ARMC8: variants seen among roughly 807,000 people sequenced by gnomAD.
The protein encoded by ARMC8 is armadillo repeat-containing protein 8.
A neutral mutation model predicts 99.3 loss-of-function variants in ARMC8; 20 were observed. The ratio of observed to expected loss-of-function variants is 0.20; its 90% CI spans 0.14 to 0.29. The LOEUF (loss-of-function observed/expected upper bound fraction) is 0.29. ARMC8 is among the 10% of genes least tolerant of loss of function. ARMC8 has a pLI of 1.00. For missense variants in ARMC8, 569 were observed against 809.5 expected (o/e 0.70, Z 3.60); for synonymous variants, 263 against 278.3 (o/e 0.95, Z 0.55).
chr3:138,239,632 A>G lies in ARMC8; in HGVS notation c.837+104A>G, dbSNP rs1345328380. ...TTTTACACATTTATCATTATGATAT[A>G]TGTGCATGGCGTAGAATAATATTGA... On this transcript the variant is annotated intron_variant, in intron 10 of 21. Coordinates refer to ENST00000469044, the MANE Select transcript of ARMC8 (RefSeq NM_001363941.2). The G allele has an allele frequency of 4.3e-6, 3 of 690,918 alleles. No individual in the cohort carries two copies. The African/African-American group carries it at 5.6e-5, about 13-fold the overall frequency. The allele number at this position is 690,918 out of a possible 1,614,324, so 42.8% of individuals were successfully genotyped here.
chr3:138,239,401 G>T, intron 9 of ARMC8, 67 bp from the exon 10 acceptor site: 1 of 1,192,568 alleles, frequency 8.4e-7, no homozygotes, highest in South Asian at 1.4e-5. Flanking sequence ...AATCTTAAAG[G>T]CAAATAATTT....
At chr3:138,287,185 CAGG>C (rs2050512767) in intron 19 of ARMC8, among the ~76,000 whole-genome samples, 1 of 152,204 alleles carries the variant, frequency 6.6e-6, no homozygotes, top group Non-Finnish European at 1.5e-5. Flanking sequence ...TTAAATCTTT[CAGG>C]GGCTTCCTCT....
At chr3:138,283,772 G>C (rs1387619177) in intron 18 of ARMC8, among the ~76,000 whole-genome samples, 1 of 152,204 alleles carries the variant, frequency 6.6e-6, no homozygotes, top group African/African-American at 2.4e-5. Flanking sequence ...TCCTCAAGGT[G>C]TACTGTCCTT....
intron 1 of ARMC8, among the ~76,000 whole-genome samples, chr3:138,205,696 G>A (rs1305229952): frequency 6.6e-6 from 1 of 152,108 alleles, no homozygotes; most frequent in Non-Finnish European, 1.5e-5. Flanking sequence ...CCAGCACTCT[G>A]GGAGGCTGAG....
chr3:138,291,441 C>T (rs1001297043), intron 21 of ARMC8, among the ~76,000 whole-genome samples: 1 of 152,236 alleles, frequency 6.6e-6, no homozygotes. Flanking sequence ...CCCATTCATT[C>T]ATCAGATATC....
intron 18 of ARMC8, among the ~76,000 whole-genome samples, chr3:138,277,747 A>G (rs1186383577): frequency 2.0e-5 from 3 of 152,240 alleles, no homozygotes; most frequent in Non-Finnish European, 4.4e-5. Context: ...AAAGTTGTAC[A>G]TATACGTGCC....
chr3:138,200,097 A>G (rs1303167667), intron 1 of ARMC8, among the ~76,000 whole-genome samples: 2 of 152,208 alleles, frequency 1.3e-5, no homozygotes, highest in Non-Finnish European at 2.9e-5. Context: ...TTGAAGTGGC[A>G]TTCATAGATA....
At chr3:138,247,454 CA>C (rs1187115701) in intron 12 of ARMC8, among the ~76,000 whole-genome samples, 1 of 152,156 alleles carries the variant, frequency 6.6e-6, no homozygotes, top group East Asian at 1.9e-4. Flanking sequence ...TTCTCCCCCT[CA>C]AAAACCAACA....
chr3:138,193,440 A>G (rs2043512001), intron 1 of ARMC8, among the ~76,000 whole-genome samples: 1 of 151,346 alleles, frequency 6.6e-6, no homozygotes, highest in Admixed American at 6.6e-5. Flanking sequence ...TTTTGTGTGT[A>G]TTTTTAGTAA....
intron 18 of ARMC8, among the ~76,000 whole-genome samples, chr3:138,283,335 G>T (rs1340341559): frequency 1.3e-5 from 2 of 152,246 alleles, no homozygotes; most frequent in Non-Finnish European, 1.5e-5. Flanking sequence ...AATTATGTGA[G>T]TCTGAATCCC....
chr3:138,244,479 C>T (rs954876976), intron 11 of ARMC8, among the ~76,000 whole-genome samples: 26 of 152,188 alleles, frequency 1.7e-4, no homozygotes, highest in African/African-American at 5.5e-4. Context: ...AGGGTTTTAT[C>T]GTGTTAGCCA....
chr3:138,280,924 A>T (rs1298159555), intron 18 of ARMC8, among the ~76,000 whole-genome samples: 1 of 152,216 alleles, frequency 6.6e-6, no homozygotes, highest in Non-Finnish European at 1.5e-5. Flanking sequence ...CACCGCACCC[A>T]GCCTGTTCTC....
At chr3:138,263,932 C>T in intron 13 of ARMC8, 111 bp downstream of exon 13, 2 of 1,118,868 alleles carry the variant, frequency 1.8e-6, no homozygotes, top group South Asian at 2.5e-5. Context: ...CAAAAATCTG[C>T]TCAGGTGAAT....
chr3:138,271,962 T>C (rs1371712201), intron 16 of ARMC8, among the ~76,000 whole-genome samples: 1 of 152,144 alleles, frequency 6.6e-6, no homozygotes, highest in East Asian at 1.9e-4. Context: ...CACCTGGCTA[T>C]ACAAGAGATT....
At chr3:138,271,612 A>G (rs1189295206) in intron 16 of ARMC8, among the ~76,000 whole-genome samples, 4 of 152,176 alleles carry the variant, frequency 2.6e-5, no homozygotes, top group South Asian at 4.1e-4. Flanking sequence ...TCTGCAAAAT[A>G]TAAAACCTTA....
At chr3:138,219,178 G>T (rs1033972184) in intron 2 of ARMC8, among the ~76,000 whole-genome samples, 2 of 152,142 alleles carry the variant, frequency 1.3e-5, no homozygotes, top group African/African-American at 4.8e-5. Context: ...TTAAGTAGTG[G>T]ATATGGAATG....
At chr3:138,266,557 C>G (rs1560016130) in intron 14 of ARMC8, among the ~76,000 whole-genome samples, 1 of 152,038 alleles carries the variant, frequency 6.6e-6, no homozygotes, top group Non-Finnish European at 1.5e-5. Context: ...ACATTTAATC[C>G]TAAATAGTTC....
At chr3:138,207,875 G>T (rs1191607278) in intron 1 of ARMC8, among the ~76,000 whole-genome samples, 3 of 152,188 alleles carry the variant, frequency 2.0e-5, no homozygotes, top group Non-Finnish European at 4.4e-5. Flanking sequence ...GTTAGCAGGT[G>T]CTTTAATGGT....
At chr3:138,222,807 G>T (rs947027256) in intron 3 of ARMC8, among the ~76,000 whole-genome samples, 1 of 152,170 alleles carries the variant, frequency 6.6e-6, no homozygotes. Flanking sequence ...AAGGTAGATG[G>T]TTATAAGTGG....
Sources: gnomAD v4.1 joint callset for allele counts (sites outside exome capture counted in the v4.1 genomes callset) on GRCh38, gnomAD v4.1.1 for gene constraint, MANE v1.5 for transcripts, NCBI Gene and HGNC (gene_info 2026-07-23, HGNC 2026-07-21) for gene names.